NPHP4: variants seen among roughly 807,000 people sequenced by gnomAD.
NPHP4 encodes the protein nephrocystin 4, also known as nephrocystin-4.
Under a neutral mutation model 155.8 loss-of-function variants are expected in NPHP4, and 151 were observed. The ratio of observed to expected loss-of-function variants is 0.97; its 90% confidence interval spans 0.85 to 1.11. The LOEUF (loss-of-function observed/expected upper bound fraction) is 1.11. NPHP4 is among the 50% of genes least tolerant of loss of function. NPHP4 has a pLI of 0.00. For missense variants in NPHP4, 1,956 were observed against 1,925.7 expected (o/e 1.02, Z -0.29); for synonymous variants, 845 against 816.8 (o/e 1.03, Z -0.59).
At chr1:5,874,080 G>A (rs553650060) in intron 22 of NPHP4, among the ~76,000 whole-genome samples, 70 of 152,178 alleles carry the variant, frequency 4.6e-4, no homozygotes, top group African/African-American at 1.6e-3. Flanking sequence ...CATGCTCCCC[G>A]CACACATGCC....
intron 2 of NPHP4, among the ~76,000 whole-genome samples, chr1:5,984,422 T>C (rs555546721): frequency 6.6e-6 from 1 of 152,022 alleles, no homozygotes; most frequent in East Asian, 1.9e-4. Flanking sequence ...TGGTCCCAGC[T>C]ACTTGGGAGG....
chr1:5,985,947 C>T (rs1330500407), intron 2 of NPHP4, among the ~76,000 whole-genome samples: 2 of 152,180 alleles, frequency 1.3e-5, no homozygotes, highest in South Asian at 2.1e-4. Flanking sequence ...AACACAAATC[C>T]TATTTTTAAA....
rs1442513035 is a variant in NPHP4 at position 5,967,421 on chromosome 1, A to G, written c.453-58T>C. The G allele has an allele frequency of 3.0e-6, 4 of 1,344,740 alleles. No homozygotes were observed. In the African/African-American group the frequency reaches 5.8e-5, roughly 19 times the overall value. 83.3% of individuals were successfully genotyped at this position (1,344,740 alleles called of 1,614,324 possible). A position where few individuals can be genotyped will look rare whatever the true frequency, so the allele number is the denominator to read the frequency against. ...CCACGTGCGCACTTCTCAGAAGGAA[A>G]GCACATGGAGGCCTCAGCCACCACC... On this transcript the variant is annotated intron_variant, in intron 4 of 29. Transcript: ENST00000378156.
In NPHP4 at chr1:5,909,170, G is replaced by C. The variant is rs1299597245; in HGVS notation, c.1485C>G (p.Asn495Lys). 1 of 1,601,898 alleles carries C rather than the reference G, an allele frequency of 6.2e-7. No individual in the cohort carries two copies. The highest frequency in any genetic ancestry group is 8.5e-7 in the Non-Finnish European group (1 of 1,174,602). Residue 495 changes from asparagine (N) to lysine (K), a missense_variant, in exon 12 of 30, where the codon AAC becomes AAG. Asn to Lys is a moderately conservative substitution (Grantham distance 94). Transcript: ENST00000378156. ...PVPRVLAAPQ[N>K]SPVGPGLSIS... The stretch of plus-strand genomic sequence containing the variant: ...GACTTACCCCTGGTCCCACAGGTGA[G>C]TTCTGCGGGGCAGCGAGAACTCGAG...
Position 5,906,747 on chromosome 1 carries a change from G to A in NPHP4, c.1611+368C>T, listed in dbSNP as rs575312687. Among the ~76,000 whole-genome samples the A allele has an allele frequency of 1.2e-4, 18 of 152,352 alleles. No individual in the cohort carries two copies. In the South Asian group the frequency reaches 3.7e-3, roughly 32 times the overall value. ...CACTCACCTCCTTTAGCTGCTGATA[G>A]CAAGGAGGGTCCTGGGGTGCTGGGT... On this transcript the variant is annotated intron_variant, in intron 13 of 29. Transcript: ENST00000378156.
At chr1:5,934,824 C>T (rs1421595720) in intron 9 of NPHP4, among the ~76,000 whole-genome samples, 1 of 152,182 alleles carries the variant, frequency 6.6e-6, no homozygotes, top group African/African-American at 2.4e-5. Flanking sequence ...AACAGAGACA[C>T]CCAGAGGATC....
chr1:5,969,069 T>C lies in NPHP4; in HGVS notation c.452+18A>G. The stretch of plus-strand genomic sequence containing the variant: ...CAGACGCTGGAAAACCCCAGGGTTG[T>C]AGAAACAAGGCAGGTACCTTTTGTC... On this transcript the variant is annotated intron_variant, in intron 4 of 29. Coordinates refer to ENST00000378156, the MANE Select transcript of NPHP4 (RefSeq NM_015102.5). 4 of 1,522,184 alleles carry C rather than the reference T, an allele frequency of 2.6e-6. No homozygotes were observed. The highest frequency in any genetic ancestry group is 3.6e-6 in the Non-Finnish European group (4 of 1,123,972). 94.3% of individuals were successfully genotyped at this position (1,522,184 alleles called of 1,614,324 possible).
chr1:5,871,505 A>T (rs1442494740), intron 23 of NPHP4, among the ~76,000 whole-genome samples: 1 of 152,214 alleles, frequency 6.6e-6, no homozygotes, highest in Non-Finnish European at 1.5e-5. Flanking sequence ...ATTTTAGGGT[A>T]ACCAAACTGC....
chr1:5,909,816 A>G (rs1365787930), intron 11 of NPHP4, among the ~76,000 whole-genome samples: 1 of 152,054 alleles, frequency 6.6e-6, no homozygotes, highest in African/African-American at 2.4e-5. Flanking sequence ...GGCCCTTTAT[A>G]AGGCCACAGC....
At chr1:5,878,474 C>T (rs1642853278) in intron 19 of NPHP4, among the ~76,000 whole-genome samples, 1 of 152,224 alleles carries the variant, frequency 6.6e-6, no homozygotes. Context: ...GATTGCATCA[C>T]CCCAACAAAT....
In NPHP4 at chr1:5,866,381, G is replaced by A. The variant is rs779900061; in HGVS notation, c.3636C>T (p.Ile1212=). The A allele has an allele frequency of 5.0e-6, 8 of 1,604,220 alleles. No individual in the cohort carries two copies. The highest frequency in any genetic ancestry group is 6.8e-6 in the Non-Finnish European group (8 of 1,173,334). The change falls in exon 26 of 30, where the codon ATC becomes ATT. Residue 1212 remains isoleucine, a synonymous_variant. Transcript: ENST00000378156. ...AAAGCCTGTGCACTTACGAGTAAAT[G>A]ATGACAAAGAAGTCTTTGATCTCCG... The part of the protein sequence containing the change: ...PSPEIKDFFV[I]IYSDRWLATP...
At chr1:5,899,783 C>T (rs1172229228) in intron 16 of NPHP4, among the ~76,000 whole-genome samples, 1 of 152,156 alleles carries the variant, frequency 6.6e-6, no homozygotes. Context: ...AAAAACTTCA[C>T]TCTGCCAAAC....
At chr1:5,953,917 T>C (rs1648686011) in intron 6 of NPHP4, among the ~76,000 whole-genome samples, 1 of 152,344 alleles carries the variant, frequency 6.6e-6, no homozygotes, top group East Asian at 1.9e-4. Context: ...TAATGATCTT[T>C]TACTTATGTA....
At chr1:5,989,227 C>T (rs1033565080) in intron 1 of NPHP4, among the ~76,000 whole-genome samples, 9 of 152,090 alleles carry the variant, frequency 5.9e-5, no homozygotes, top group Admixed American at 1.3e-4. Context: ...CAGGGAGAGC[C>T]GACTTTGGAC....
intron 11 of NPHP4, among the ~76,000 whole-genome samples, chr1:5,920,600 C>T (rs1472380071): frequency 2.6e-5 from 4 of 152,204 alleles, no homozygotes; most frequent in Admixed American, 6.5e-5. Flanking sequence ...CAGGCAGCCC[C>T]GAGCACCTGG....
intron 9 of NPHP4, among the ~76,000 whole-genome samples, chr1:5,945,911 C>T (rs998000184): frequency 3.3e-5 from 5 of 152,114 alleles, no homozygotes; most frequent in African/African-American, 4.8e-5. Flanking sequence ...TGTCCCCCCC[C>T]AGGGCGTGAA....
chr1:5,867,750 G>A lies in NPHP4; in HGVS notation c.3462C>T (p.His1154=), dbSNP rs554918060. The A allele has an allele frequency of 1.1e-5, 17 of 1,610,136 alleles. No homozygotes were observed. The highest frequency in any genetic ancestry group is 1.3e-5 in the Non-Finnish European group (15 of 1,179,832). ...LKKAIRLPPW[H]TFPGAPVGML... The stretch of plus-strand genomic sequence containing the variant: ...CAGTGCAGGACCTGCCTGGAAATGT[G>A]TGCCAGGGCGGCAGGCGGATGGCCT... Residue 1154 remains histidine (H), a synonymous_variant, in exon 24 of 30, where the codon CAC becomes CAT. Transcript: ENST00000378156. The surrounding 1 kb of genome is among the most constrained non-coding windows in gnomAD (Gnocchi z 4.1).
chr1:5,880,591 G>A (rs369513853), intron 18 of NPHP4: 16 of 316,952 alleles, frequency 5.0e-5, no homozygotes, highest in South Asian at 2.9e-4. Context: ...TCGGCCTCTC[G>A]ATGGCCACAT....
chr1:5,933,369 C>T, intron 9 of NPHP4, 40 bp from the exon 10 acceptor site: 1 of 1,540,910 alleles, frequency 6.5e-7, no homozygotes, highest in East Asian at 2.3e-5. Context: ...TGAGTTATCA[C>T]AGAAGTCACC....
Sources: allele counts gnomAD v4.1 joint callset (sites outside exome capture counted in the v4.1 genomes callset), GRCh38; gene constraint gnomAD v4.1.1; non-coding constraint Gnocchi (gnomAD v3.1); transcripts MANE v1.5; gene names NCBI Gene and HGNC (gene_info 2026-07-23, HGNC 2026-07-21).